Variants in TOX2 observed in about 807,000 individuals in gnomAD.
TOX2 encodes the protein TOX high mobility group box family member 2.
Under a neutral mutation model 47.4 loss-of-function variants are expected in TOX2, and 15 were observed. The ratio of observed to expected loss-of-function variants is 0.32; its 90% CI spans 0.21 to 0.49. The LOEUF is 0.49. TOX2 is among the 20% of genes least tolerant of loss of function. TOX2 has a pLI of 0.99. For synonymous variants in TOX2, 290 were observed against 296.6 expected (o/e 0.98, Z 0.23); for missense variants, 622 against 673.1 (o/e 0.92, Z 0.84).
At position 44,065,735 on chromosome 20, in the gene TOX2, C is replaced by T. The variant is rs1188305292; in HGVS notation, c.984C>T (p.Thr328=). ...AGAGCTCCCCAGATCAAGGTGAGAC[C>T]AAGAGCACTCAGGCAAACCCACCAG... The part of the protein sequence containing the change: ...VSKSSPDQGE[T]KSTQANPPAK... The change falls in exon 7 of 9, where the codon ACC becomes ACT. Residue 328 remains threonine, a synonymous_variant. Coordinates refer to ENST00000341197, the MANE Select transcript of TOX2 (RefSeq NM_001098797.2). 29 of 1,597,562 alleles carry T rather than the reference C, an allele frequency of 1.8e-5. No individual in the cohort carries two copies. Among genetic ancestry groups the T allele is most frequent in the Non-Finnish European group, 2.4e-5 (28 of 1,168,356 alleles).
intron 3 of TOX2, among the ~76,000 whole-genome samples, chr20:44,020,608 C>G (rs566914792): frequency 6.6e-6 from 1 of 152,198 alleles, no homozygotes; most frequent in African/African-American, 2.4e-5. Flanking sequence ...CTTCTGGAAA[C>G]GTGATCCTAA....
chr20:43,964,116 A>T (rs1045040425), intron 1 of TOX2, among the ~76,000 whole-genome samples: 1 of 151,754 alleles, frequency 6.6e-6, no homozygotes, highest in African/African-American at 2.4e-5. Context: ...AAAAACCAAC[A>T]GCTTGAAAGC....
intron 3 of TOX2, among the ~76,000 whole-genome samples, chr20:44,046,204 T>C (rs1007086510): frequency 1.3e-5 from 2 of 152,278 alleles, no homozygotes; most frequent in East Asian, 3.9e-4. Flanking sequence ...TAAAGTAGGA[T>C]GTAAGACAGA....
intron 3 of TOX2, among the ~76,000 whole-genome samples, chr20:44,011,309 G>A (rs1354189312): frequency 6.6e-6 from 1 of 152,180 alleles, no homozygotes; most frequent in Non-Finnish European, 1.5e-5. Flanking sequence ...TGCCCACTAG[G>A]TACCAGGCAT....
intron 1 of TOX2, among the ~76,000 whole-genome samples, chr20:43,960,193 G>C (rs1274666257): frequency 6.6e-6 from 1 of 152,206 alleles, no homozygotes; most frequent in Non-Finnish European, 1.5e-5. Flanking sequence ...TCGTTCTAAT[G>C]AGTAAATGAT....
At chr20:43,964,216 C>A (rs1320738387) in intron 1 of TOX2, among the ~76,000 whole-genome samples, 1 of 152,080 alleles carries the variant, frequency 6.6e-6, no homozygotes, top group South Asian at 2.1e-4. Flanking sequence ...GGTGATGGAC[C>A]TGGAGTTGGT....
intron 1 of TOX2, chr20:43,955,335 T>C: frequency 1.0e-6 from 1 of 983,100 alleles, no homozygotes; most frequent in Non-Finnish European, 1.2e-6. Context: ...CTGGCAGCCA[T>C]CGCAGAGCCT....
chr20:43,954,348 C>T (rs2069631482), intron 1 of TOX2, among the ~76,000 whole-genome samples: 1 of 152,230 alleles, frequency 6.6e-6, no homozygotes, highest in Non-Finnish European at 1.5e-5. Flanking sequence ...CTCCACACTT[C>T]CTGTGTTTGC....
intron 1 of TOX2, among the ~76,000 whole-genome samples, chr20:43,955,789 T>C (rs936796350): frequency 6.6e-6 from 1 of 152,216 alleles, no homozygotes; most frequent in Non-Finnish European, 1.5e-5. Flanking sequence ...GTTTTACTTA[T>C]TATTGTGTTA....
chr20:43,925,483 G>A (rs985902813), intron 1 of TOX2, among the ~76,000 whole-genome samples: 29 of 152,172 alleles, frequency 1.9e-4, no homozygotes, highest in Admixed American at 1.9e-3. Context: ...TTCCAGCCTT[G>A]TGCTCACCCG....
chr20:44,063,329 G>C (rs1020434350), intron 5 of TOX2, among the ~76,000 whole-genome samples: 3 of 152,072 alleles, frequency 2.0e-5, no homozygotes, highest in East Asian at 3.9e-4. Flanking sequence ...GAGATGAATA[G>C]AGAATTCTCA....
intron 3 of TOX2, among the ~76,000 whole-genome samples, chr20:44,034,113 G>A: frequency 6.6e-6 from 1 of 152,212 alleles, no homozygotes; most frequent in Non-Finnish European, 1.5e-5. Flanking sequence ...AGCCCTGCCA[G>A]GCTCCAGGCA....
At chr20:43,932,783 C>CCGCCCG (rs11283632) in intron 1 of TOX2, among the ~76,000 whole-genome samples, 2 of 148,974 alleles carry the variant, frequency 1.3e-5, no homozygotes, top group African/African-American at 4.9e-5. Flanking sequence ...TGCCCCCCCC[C>CCGCCCG]GCCATTTCTG....
At chr20:43,969,235 C>T (rs556808879) in intron 1 of TOX2, among the ~76,000 whole-genome samples, 21 of 152,332 alleles carry the variant, frequency 1.4e-4, no homozygotes, top group South Asian at 1.0e-3. Flanking sequence ...CCGTGTTGAA[C>T]GCTGTGCTGC....
In TOX2 at chr20:43,929,749, G is replaced by T. The variant is rs6017219; in HGVS notation, c.99+14759G>T. On this transcript the variant is annotated intron_variant, in intron 1 of 8. Transcript: ENST00000341197. The stretch of plus-strand genomic sequence containing the variant: ...TTTTGAGATGGAGTCTCGCTCTGTT[G>T]CCCAGGTTGGAGTGCAGTGGTGCGA... 3.7e-3 allele frequency among the ~76,000 whole-genome samples: 565 copies of T among 151,870 alleles called. 4 individuals are homozygous for T. Among genetic ancestry groups the T allele is most frequent in the African/African-American group, 0.013 (522 of 41,376 alleles).
At chr20:43,981,039 C>A (rs2070160830) in intron 2 of TOX2, among the ~76,000 whole-genome samples, 1 of 152,074 alleles carries the variant, frequency 6.6e-6, no homozygotes. Context: ...AGATATGAAC[C>A]AATAGTTTAC....
chr20:43,961,506 C>T (rs1329702288), intron 1 of TOX2, among the ~76,000 whole-genome samples: 1 of 152,094 alleles, frequency 6.6e-6, no homozygotes, highest in Non-Finnish European at 1.5e-5. Context: ...CCCCACTGAC[C>T]CTGCACTGCC....
intron 1 of TOX2, among the ~76,000 whole-genome samples, chr20:43,919,432 G>A (rs747629122): frequency 6.6e-6 from 1 of 152,154 alleles, no homozygotes; most frequent in African/African-American, 2.4e-5. Flanking sequence ...TGTTAAATAG[G>A]GAAGTTGAGG....
chr20:43,955,904 A>G (rs1203866853), intron 1 of TOX2, among the ~76,000 whole-genome samples: 1 of 152,066 alleles, frequency 6.6e-6, no homozygotes, highest in East Asian at 1.9e-4. Flanking sequence ...CCAGTTTCTG[A>G]AGTGCAGCCC....
Sources: gnomAD v4.1 joint callset for allele counts (sites outside exome capture counted in the v4.1 genomes callset) on GRCh38, gnomAD v4.1.1 for gene constraint, MANE v1.5 for transcripts, NCBI Gene and HGNC (gene_info 2026-07-23, HGNC 2026-07-21) for gene names.